Variants in ANKRD44 observed in about 807,000 individuals in gnomAD.
The protein encoded by ANKRD44 is ankyrin repeat domain 44, also known as serine/threonine-protein phosphatase 6 regulatory ankyrin repeat subunit B.
ANKRD44 carries 35 observed loss-of-function variants against 116.0 expected under a neutral mutation model. That is an observed-to-expected ratio of 0.30 (90% confidence interval 0.23 to 0.40). The LOEUF is 0.40. Among genes scored for constraint, ANKRD44 ranks in the 10% least tolerant of loss-of-function variants. The pLI, the probability that ANKRD44 is intolerant of heterozygous loss-of-function variation, is 1.00. For missense variants in ANKRD44, 1,014 were observed against 1,242.6 expected, an observed-to-expected ratio of 0.82 and a Z score of 2.77; for synonymous variants, 435 against 461.8, an observed-to-expected ratio of 0.94 and a Z score of 0.74.
intron 16 of ANKRD44, among the ~76,000 whole-genome samples, chr2:197,037,211 T>C (rs1269131891): frequency 6.6e-6 from 1 of 152,252 alleles, no homozygotes. Flanking sequence ...CTAAACTTCC[T>C]ACAACAAATA....
chr2:197,181,206 T>G (rs1427230749), intron 2 of ANKRD44, among the ~76,000 whole-genome samples: 2 of 152,162 alleles, frequency 1.3e-5, no homozygotes, highest in Admixed American at 1.3e-4. Flanking sequence ...AAATAATAAG[T>G]GTTAACAGCT....
chr2:196,979,902 G>GT (rs1204146141), intron 21 of ANKRD44, among the ~76,000 whole-genome samples: 1 of 151,994 alleles, frequency 6.6e-6, no homozygotes, highest in African/African-American at 2.4e-5. Context: ...GTTTTTAAAG[G>GT]TTTTTGTCAC....
intron 27 of ANKRD44, 23 bp downstream of exon 27, chr2:196,993,560 C>T (rs1432751651): frequency 1.3e-6 from 2 of 1,535,798 alleles, no homozygotes; most frequent in East Asian, 2.4e-5. Context: ...TACCTGCAGT[C>T]GCTGTTGACT....
intron 8 of ANKRD44, among the ~76,000 whole-genome samples, chr2:197,112,045 C>G (rs1047381948): frequency 1.3e-5 from 2 of 152,022 alleles, no homozygotes; most frequent in Non-Finnish European, 2.9e-5. Flanking sequence ...TACCAAGATA[C>G]CATATGTAAC....
intron 1 of ANKRD44, among the ~76,000 whole-genome samples, chr2:197,300,692 C>T (rs1232278549): frequency 6.6e-6 from 1 of 151,880 alleles, no homozygotes; most frequent in African/African-American, 2.4e-5. Context: ...TTGAGCTTGC[C>T]CAGATGTGAC....
chr2:197,018,337 C>A (rs187453450), intron 17 of ANKRD44, among the ~76,000 whole-genome samples: 1 of 152,268 alleles, frequency 6.6e-6, no homozygotes, highest in East Asian at 1.9e-4. Flanking sequence ...TTCAGCATGT[C>A]CCCTCACTCA....
chr2:197,070,288 G>C (rs1052062943), intron 16 of ANKRD44, among the ~76,000 whole-genome samples: 13 of 152,162 alleles, frequency 8.5e-5, no homozygotes, highest in African/African-American at 2.4e-4. Context: ...TTGAATAGGA[G>C]TGGTATAAGA....
intron 24 of ANKRD44, 81 bp from the exon 25 acceptor site, chr2:196,998,500 A>G: frequency 1.0e-6 from 1 of 952,854 alleles, no homozygotes; most frequent in Non-Finnish European, 1.7e-6. Context: ...CAAACACAAT[A>G]ACATATTTAA....
chr2:197,027,003 T>C (rs892074719), intron 16 of ANKRD44, among the ~76,000 whole-genome samples: 1 of 151,794 alleles, frequency 6.6e-6, no homozygotes, highest in East Asian at 1.9e-4. Flanking sequence ...GGGATATATA[T>C]AGTGGAAACA....
intron 9 of ANKRD44, among the ~76,000 whole-genome samples, chr2:197,110,208 C>T (rs1276606669): frequency 6.6e-6 from 1 of 152,124 alleles, no homozygotes; most frequent in East Asian, 1.9e-4. Flanking sequence ...AACTCCTGAC[C>T]TCAGGTGATC....
At chr2:197,069,448 T>TAA (rs369601584) in intron 16 of ANKRD44, among the ~76,000 whole-genome samples, 2 of 151,544 alleles carry the variant, frequency 1.3e-5, no homozygotes, top group Non-Finnish European at 2.9e-5. Context: ...TAAAGTATAA[T>TAA]AAAAAAAAAT....
chr2:197,093,514 A>T (rs1017621003), intron 10 of ANKRD44, among the ~76,000 whole-genome samples: 2 of 152,192 alleles, frequency 1.3e-5, no homozygotes, highest in African/African-American at 4.8e-5. Flanking sequence ...TTTACTCCAC[A>T]GTGAATAAAA....
chr2:197,156,869 G>T (rs1029953813), intron 2 of ANKRD44, among the ~76,000 whole-genome samples: 1 of 152,128 alleles, frequency 6.6e-6, no homozygotes, highest in Non-Finnish European at 1.5e-5. Context: ...ATAAATCCAC[G>T]TACATAAAAT....
chr2:197,211,574 G>GA (rs993579830), intron 1 of ANKRD44, among the ~76,000 whole-genome samples: 1 of 152,046 alleles, frequency 6.6e-6, no homozygotes, highest in Non-Finnish European at 1.5e-5. Flanking sequence ...CATTTCAATG[G>GA]AAAAATAATG....
At chr2:197,070,908 T>G (rs953828676) in intron 16 of ANKRD44, among the ~76,000 whole-genome samples, 2 of 152,202 alleles carry the variant, frequency 1.3e-5, no homozygotes, top group African/African-American at 4.8e-5. Flanking sequence ...ATTTTCTGAA[T>G]AGTTAAAGGG....
intron 1 of ANKRD44, among the ~76,000 whole-genome samples, chr2:197,199,966 T>C (rs1559144021): frequency 6.6e-6 from 1 of 152,252 alleles, no homozygotes; most frequent in Non-Finnish European, 1.5e-5. Flanking sequence ...TTATCCACAT[T>C]GCACAGAGAA....
At chr2:197,248,576 G>A (rs2376296) in intron 1 of ANKRD44, among the ~76,000 whole-genome samples, 23,407 of 110,268 alleles carry the variant, frequency 0.21, 2,188 homozygotes, top group African/African-American at 0.29. Context: ...GTGTGTGTGT[G>A]TGTATATATA....
At chr2:197,308,982 T>A (rs2084158731) in intron 1 of ANKRD44, among the ~76,000 whole-genome samples, 1 of 152,208 alleles carries the variant, frequency 6.6e-6, no homozygotes, top group Non-Finnish European at 1.5e-5. Flanking sequence ...TCCAGATCTG[T>A]TTTGTCATTT....
chr2:197,246,255 T>C (rs1003162789), intron 1 of ANKRD44, among the ~76,000 whole-genome samples: 2 of 149,206 alleles, frequency 1.3e-5, no homozygotes, highest in Non-Finnish European at 3.0e-5. Flanking sequence ...GGCAGCAACA[T>C]AGCTCACTGC....
Sources: gnomAD v4.1 joint callset for allele counts (sites outside exome capture counted in the v4.1 genomes callset) on GRCh38, gnomAD v4.1.1 for gene constraint, MANE v1.5 for transcripts, NCBI Gene and HGNC (gene_info 2026-07-23, HGNC 2026-07-21) for gene names.